GALNT13: variants seen among roughly 807,000 people sequenced by gnomAD.
The protein encoded by GALNT13 is polypeptide N-acetylgalactosaminyltransferase 13.
In GALNT13, 28 loss-of-function variants were observed where a neutral mutation model predicts 64.2. That is an observed-to-expected ratio of 0.44 (90% CI 0.32 to 0.60). The LOEUF is 0.60. Ranked by LOEUF, GALNT13 falls within the 20% of genes least tolerant of loss-of-function variation. The probability of loss-of-function intolerance (pLI) is 0.05; values close to 1 mark genes in which losing one functional copy is unlikely to be tolerated. For synonymous variants in GALNT13, 214 were observed against 224.6 expected (o/e 0.95, Z 0.42); for missense variants, 577 against 669.8 (o/e 0.86, Z 1.53).
chr2:153,646,647 G>A, the GALNT13 span, among the ~76,000 whole-genome samples: 1 of 151,858 alleles, frequency 6.6e-6, no homozygotes, highest in African/African-American at 2.4e-5. Flanking sequence ...GGTGTGCGAT[G>A]TTCCCCTTCC....
chr2:153,599,137 T>C, the GALNT13 span, among the ~76,000 whole-genome samples: 2 of 152,098 alleles, frequency 1.3e-5, no homozygotes, highest in South Asian at 4.1e-4. Flanking sequence ...AGTAATTGAC[T>C]GCATGCTGTG....
At chr2:154,357,771 T>C (rs707034) in intron 9 of GALNT13, among the ~76,000 whole-genome samples, 47,613 of 151,770 alleles carry the variant, frequency 0.31, 7,921 homozygotes, top group African/African-American at 0.41. Context: ...TCAGCTGGAG[T>C]GATGGCAGAT....
intron 3 of GALNT13, among the ~76,000 whole-genome samples, chr2:154,126,108 C>G (rs1454625974): frequency 6.6e-6 from 1 of 152,018 alleles, no homozygotes; most frequent in African/African-American, 2.4e-5. Context: ...GACACAAAGC[C>G]AATTTATTGC....
At chr2:153,656,339 T>TGTGTGTGTGCGC in the GALNT13 span, among the ~76,000 whole-genome samples, 46 of 141,474 alleles carry the variant, frequency 3.3e-4, no homozygotes, top group African/African-American at 4.6e-4. Flanking sequence ...TGTGTGTGTG[T>TGTGTGTGTGCGC]GCGCGCGCAC....
chr2:154,293,093 A>T (rs998109656), intron 8 of GALNT13, among the ~76,000 whole-genome samples: 1 of 152,206 alleles, frequency 6.6e-6, no homozygotes, highest in Admixed American at 6.5e-5. Flanking sequence ...TTTATATTGT[A>T]TACATGGTCA....
chr2:153,086,089 G>A, the GALNT13 span, among the ~76,000 whole-genome samples: 2 of 152,120 alleles, frequency 1.3e-5, no homozygotes, highest in Non-Finnish European at 2.9e-5. Flanking sequence ...TAGCCCCTTC[G>A]TTTTGTCCAA....
chr2:153,349,879 T>TA, the GALNT13 span, among the ~76,000 whole-genome samples: 3 of 152,108 alleles, frequency 2.0e-5, no homozygotes, highest in African/African-American at 4.8e-5. Flanking sequence ...AAAAAAGAAC[T>TA]AAAAATCCCT....
At chr2:153,282,102 G>A in the GALNT13 span, among the ~76,000 whole-genome samples, 1 of 150,744 alleles carries the variant, frequency 6.6e-6, no homozygotes, top group African/African-American at 2.4e-5. Context: ...TTCATTCTTT[G>A]AAAAAAAATC....
chr2:153,858,762 T>C, the GALNT13 span, among the ~76,000 whole-genome samples: 1 of 152,096 alleles, frequency 6.6e-6, no homozygotes, highest in Non-Finnish European at 1.5e-5. Flanking sequence ...AGACACAGCC[T>C]CGCTTTGTTG....
At chr2:154,318,253 C>T (rs959766428) in intron 9 of GALNT13, among the ~76,000 whole-genome samples, 2 of 152,016 alleles carry the variant, frequency 1.3e-5, no homozygotes, top group Non-Finnish European at 2.9e-5. Flanking sequence ...TTTGTGATAC[C>T]TCAAAGTATC....
intron 9 of GALNT13, among the ~76,000 whole-genome samples, chr2:154,322,454 G>C (rs1269951645): frequency 1.3e-5 from 2 of 151,984 alleles, no homozygotes; most frequent in Admixed American, 1.3e-4. Context: ...AAGTAGAAAA[G>C]ACAAGAGGCT....
At chr2:154,446,408 C>CCA in intron 12 of GALNT13, 1 of 563,340 alleles carries the variant, frequency 1.8e-6, no homozygotes, top group South Asian at 4.1e-5. Context: ...GATATTAAAG[C>CCA]CATCTAAAAA....
At chr2:154,439,169 T>A (rs1701155380) in intron 12 of GALNT13, among the ~76,000 whole-genome samples, 1 of 152,224 alleles carries the variant, frequency 6.6e-6, no homozygotes, top group Non-Finnish European at 1.5e-5. Context: ...AAGATTTCTT[T>A]ACTGTTTACA....
chr2:154,089,066 A>G (rs1236299708), intron 3 of GALNT13, among the ~76,000 whole-genome samples: 1 of 152,062 alleles, frequency 6.6e-6, no homozygotes, highest in African/African-American at 2.4e-5. Flanking sequence ...TCATGGAGCT[A>G]CTATCCTCTC....
At chr2:153,343,028 G>A in the GALNT13 span, among the ~76,000 whole-genome samples, 1 of 152,188 alleles carries the variant, frequency 6.6e-6, no homozygotes, top group Non-Finnish European at 1.5e-5. Flanking sequence ...ATGCTATGTA[G>A]TCTATGATCA....
intron 3 of GALNT13, among the ~76,000 whole-genome samples, chr2:154,026,047 G>C (rs2105293548): frequency 6.6e-6 from 1 of 152,188 alleles, no homozygotes; most frequent in Non-Finnish European, 1.5e-5. Context: ...GGTGTTGGGG[G>C]GAGGGGAGTA....
rs529083314 is a variant in GALNT13 at position 154,036,825 on chromosome 2, T to C, written c.142+92186T>C. Reference sequence around the variant, plus strand: ...CTGCCCATTGGAAACACTTGTGGAATTTTAAAGAGATATCGATATCTTTGT... The same window carrying C: ...CTGCCCATTGGAAACACTTGTGGAACTTTAAAGAGATATCGATATCTTTGT... On this transcript the variant is annotated intron_variant, in intron 3 of 12. Coordinates refer to ENST00000392825, the MANE Select transcript of GALNT13 (RefSeq NM_052917.4). Among the ~76,000 whole-genome samples the C allele has an allele frequency of 1.1e-4, 16 of 152,218 alleles. 1 individual carries two copies. The South Asian group carries it at 3.3e-3, about 32-fold the overall frequency.
chr2:153,095,187 T>C, the GALNT13 span, among the ~76,000 whole-genome samples: 1 of 152,168 alleles, frequency 6.6e-6, no homozygotes, highest in East Asian at 1.9e-4. Flanking sequence ...CCAACAAATT[T>C]ACAAGAAAAA....
At chr2:153,719,701 GACGC>G in the GALNT13 span, among the ~76,000 whole-genome samples, 1 of 152,038 alleles carries the variant, frequency 6.6e-6, no homozygotes, top group East Asian at 1.9e-4. Flanking sequence ...AGGGGTGACG[GACGC>G]ACCTGGAAAA....
Sources: allele counts gnomAD v4.1 joint callset (sites outside exome capture counted in the v4.1 genomes callset), GRCh38; gene constraint gnomAD v4.1.1; transcripts MANE v1.5; gene names NCBI Gene and HGNC (gene_info 2026-07-23, HGNC 2026-07-21).